ADIPOR2: variants seen among roughly 807,000 people sequenced by gnomAD.
ADIPOR2 encodes the protein adiponectin receptor protein 2.
A neutral mutation model predicts 40.9 loss-of-function variants in ADIPOR2; 18 were observed. That is an observed-to-expected ratio of 0.44 (90% CI 0.30 to 0.65). The LOEUF is 0.65. Among genes scored for constraint, ADIPOR2 ranks in the 30% least tolerant of loss-of-function variants. The pLI is 0.09. For missense variants in ADIPOR2, 283 were observed against 479.2 expected (o/e 0.59, Z 3.82); for synonymous variants, 165 against 166.4 (o/e 0.99, Z 0.06).
chr12:1,710,873 C>T (rs1035020588), intron 1 of ADIPOR2, among the ~76,000 whole-genome samples: 13 of 152,032 alleles, frequency 8.6e-5, no homozygotes, highest in Non-Finnish European at 1.6e-4. Flanking sequence ...TTGATGGCAT[C>T]GATCCTGGAG....
At chr12:1,721,299 T>TCC (rs768374670) in intron 1 of ADIPOR2, among the ~76,000 whole-genome samples, 51 of 118,100 alleles carry the variant, frequency 4.3e-4, no homozygotes, top group Middle Eastern at 8.3e-3. Context: ...CACTGCAACC[T>TCC]CCACCTCCCG....
At chr12:1,728,656 G>A (rs1038821194) in intron 1 of ADIPOR2, among the ~76,000 whole-genome samples, 8 of 151,938 alleles carry the variant, frequency 5.3e-5, no homozygotes, top group East Asian at 3.9e-4. Context: ...CCTGGGAGGC[G>A]GAGGTTACAG....
intron 1 of ADIPOR2, among the ~76,000 whole-genome samples, chr12:1,698,255 T>G (rs1226155956): frequency 6.6e-6 from 1 of 151,770 alleles, no homozygotes; most frequent in African/African-American, 2.4e-5. Flanking sequence ...ATTTAATTTC[T>G]GAGACAGGGT....
At chr12:1,708,552 A>G (rs912784964) in intron 1 of ADIPOR2, among the ~76,000 whole-genome samples, 1 of 152,134 alleles carries the variant, frequency 6.6e-6, no homozygotes, top group African/African-American at 2.4e-5. Flanking sequence ...TTTGTGTAGG[A>G]TGTGAGGTAA....
At chr12:1,713,896 A>G (rs1482791049) in intron 1 of ADIPOR2, among the ~76,000 whole-genome samples, 1 of 152,118 alleles carries the variant, frequency 6.6e-6, no homozygotes, top group South Asian at 2.1e-4. Context: ...ATTAACACTG[A>G]TAAAGCTGTA....
intron 1 of ADIPOR2, among the ~76,000 whole-genome samples, chr12:1,748,390 A>G (rs957421712): frequency 6.6e-6 from 1 of 152,094 alleles, no homozygotes; most frequent in East Asian, 1.9e-4. Context: ...CTGGAACTAC[A>G]GGTGCCCGCC....
chr12:1,773,612 A>T (rs1489180087), intron 3 of ADIPOR2, among the ~76,000 whole-genome samples: 1 of 151,626 alleles, frequency 6.6e-6, no homozygotes, highest in Non-Finnish European at 1.5e-5. Flanking sequence ...TACTTGATCA[A>T]TCAGATCAAT....
intron 1 of ADIPOR2, among the ~76,000 whole-genome samples, chr12:1,738,077 T>C (rs2154442811): frequency 6.6e-6 from 1 of 151,976 alleles, no homozygotes; most frequent in East Asian, 1.9e-4. Context: ...ACCTTATTAG[T>C]TTTAGTAGTT....
At chr12:1,743,358 A>G (rs891245533) in intron 1 of ADIPOR2, among the ~76,000 whole-genome samples, 1 of 150,292 alleles carries the variant, frequency 6.7e-6, no homozygotes, top group African/African-American at 2.4e-5. Context: ...AATTACATCA[A>G]GTAACTTTGG....
At chr12:1,776,763 C>A (rs978784527) in intron 3 of ADIPOR2, among the ~76,000 whole-genome samples, 1 of 152,128 alleles carries the variant, frequency 6.6e-6, no homozygotes, top group Admixed American at 6.5e-5. Flanking sequence ...CTCTCTGCAG[C>A]ATGAGAAGGA....
chr12:1,738,403 C>T (rs1472775518), intron 1 of ADIPOR2, among the ~76,000 whole-genome samples: 1 of 151,888 alleles, frequency 6.6e-6, no homozygotes, highest in African/African-American at 2.4e-5. Flanking sequence ...TTAGTAGTTT[C>T]TGTGTTTTGT....
intron 3 of ADIPOR2, among the ~76,000 whole-genome samples, chr12:1,777,575 A>G (rs1275577644): frequency 6.6e-6 from 1 of 151,750 alleles, no homozygotes. Flanking sequence ...TTTAGTAGAG[A>G]TGGGGTTCGA....
intron 6 of ADIPOR2, among the ~76,000 whole-genome samples, chr12:1,782,297 A>G (rs1031296820): frequency 2.6e-5 from 4 of 152,218 alleles, no homozygotes; most frequent in East Asian, 3.8e-4. Context: ...GCTTACATAT[A>G]TTGCTGTATA....
chr12:1,726,087 G>A (rs71454839), intron 1 of ADIPOR2, among the ~76,000 whole-genome samples: 19,491 of 152,174 alleles, frequency 0.13, 1,606 homozygotes, highest in East Asian at 0.28. Context: ...ATTTCTTCAG[G>A]CAGAGAAAAT....
intron 1 of ADIPOR2, among the ~76,000 whole-genome samples, chr12:1,694,667 C>G (rs1261773707): frequency 6.6e-6 from 1 of 151,788 alleles, no homozygotes; most frequent in Non-Finnish European, 1.5e-5. Context: ...TAAAAAAATT[C>G]CTTCTCATGC....
chr12:1,746,481 G>A (rs923389492), intron 1 of ADIPOR2, among the ~76,000 whole-genome samples: 3 of 151,754 alleles, frequency 2.0e-5, no homozygotes, highest in Admixed American at 6.6e-5. Context: ...GAACAAGACT[G>A]CCTCAAAAAC....
At chr12:1,774,645 G>C (rs554105967) in intron 3 of ADIPOR2, among the ~76,000 whole-genome samples, 1 of 152,330 alleles carries the variant, frequency 6.6e-6, no homozygotes, top group South Asian at 2.1e-4. Context: ...TTCAGTGTTT[G>C]CTATTTACCA....
intron 2 of ADIPOR2, among the ~76,000 whole-genome samples, chr12:1,759,154 G>C (rs1214087706): frequency 6.6e-6 from 1 of 152,120 alleles, no homozygotes; most frequent in African/African-American, 2.4e-5. Context: ...TGCAGACCTC[G>C]TTTTCTGTTA....
intron 1 of ADIPOR2, among the ~76,000 whole-genome samples, chr12:1,713,823 C>T (rs2094682421): frequency 6.6e-6 from 1 of 151,998 alleles, no homozygotes; most frequent in African/African-American, 2.4e-5. Flanking sequence ...CTGTCCGGGA[C>T]AGGAGATTAA....
Sources: gnomAD v4.1 joint callset for allele counts (sites outside exome capture counted in the v4.1 genomes callset) on GRCh38, gnomAD v4.1.1 for gene constraint, MANE v1.5 for transcripts, NCBI Gene and HGNC (gene_info 2026-07-23, HGNC 2026-07-21) for gene names.